SGCD: variants seen among roughly 807,000 people sequenced by gnomAD.
SGCD encodes the protein delta-sarcoglycan.
A neutral mutation model predicts 36.6 loss-of-function variants in SGCD; 18 were observed. The ratio of observed to expected loss-of-function variants is 0.49; its 90% CI spans 0.34 to 0.73. SGCD has a LOEUF of 0.73. Ranked by LOEUF, SGCD falls within the 30% of genes least tolerant of loss-of-function variation. The pLI, the probability that SGCD is intolerant of heterozygous loss-of-function variation, is 0.01. For missense variants in SGCD, 387 were observed against 346.7 expected, an observed-to-expected ratio of 1.12 and a Z score of -0.92; for synonymous variants, 133 against 130.6, an observed-to-expected ratio of 1.02 and a Z score of -0.12.
In SGCD at chr5:156,010,807, G is replaced by A. The variant is rs188027214; in HGVS notation, c.-281-107071G>A. Among the ~76,000 whole-genome samples, 64 of 152,298 alleles carry A rather than the reference G, an allele frequency of 4.2e-4. 1 individual carries two copies. Among genetic ancestry groups the A allele is most frequent in the African/African-American group, 1.5e-3 (61 of 41,572 alleles). ...CTAGCTGCCATGTAGAAGGTTAGAA[G>A]CAGAGCCAGGACTTGAATCCAGATC... On this transcript the variant is annotated intron_variant, in intron 1 of 9. Coordinates refer to the SGCD transcript ENST00000517913.
At chr5:156,564,428 C>T (rs1231545566) in intron 4 of SGCD, among the ~76,000 whole-genome samples, 13 of 152,038 alleles carry the variant, frequency 8.6e-5, no homozygotes, top group Admixed American at 4.6e-4. Flanking sequence ...CCAGCCTGGG[C>T]GACAGAGCAA....
chr5:156,111,068 C>A (rs1761772578), intron 1 of SGCD, among the ~76,000 whole-genome samples: 2 of 152,122 alleles, frequency 1.3e-5, no homozygotes, highest in Non-Finnish European at 2.9e-5. Flanking sequence ...TCTAAAACAT[C>A]CATGGGCAGA....
intron 3 of SGCD, among the ~76,000 whole-genome samples, chr5:156,182,860 T>C (rs1483121478): frequency 3.9e-5 from 6 of 152,204 alleles, no homozygotes; most frequent in Admixed American, 3.3e-4. Flanking sequence ...GCAAGAACAC[T>C]TGTACATTTT....
the SGCD span, among the ~76,000 whole-genome samples, chr5:155,809,581 A>G: frequency 1.3e-5 from 2 of 152,208 alleles, no homozygotes; most frequent in East Asian, 1.9e-4. Flanking sequence ...ACAGAGAGAA[A>G]GAAAGAAAGG....
chr5:156,303,891 A>T (rs1767127518), intron 3 of SGCD, among the ~76,000 whole-genome samples: 1 of 151,668 alleles, frequency 6.6e-6, no homozygotes, highest in Non-Finnish European at 1.5e-5. Flanking sequence ...AGAAGGAAGG[A>T]GTCTCTTCTA....
chr5:155,747,614 G>T, the SGCD span, among the ~76,000 whole-genome samples: 2 of 152,140 alleles, frequency 1.3e-5, no homozygotes, highest in Non-Finnish European at 2.9e-5. Context: ...CTACAAAGTG[G>T]TAGAGCTAGG....
chr5:155,741,319 C>T, the SGCD span, among the ~76,000 whole-genome samples: 1 of 152,176 alleles, frequency 6.6e-6, no homozygotes, highest in Non-Finnish European at 1.5e-5. Flanking sequence ...TAAATCTCTC[C>T]TGGATCAGGA....
At chr5:156,468,767 G>A (rs1247054517) in intron 3 of SGCD, among the ~76,000 whole-genome samples, 2 of 152,168 alleles carry the variant, frequency 1.3e-5, no homozygotes, top group African/African-American at 2.4e-5. Context: ...CAAGATGGGT[G>A]GATCACTTGA....
chr5:156,607,781 T>C (rs1336935984), intron 6 of SGCD, among the ~76,000 whole-genome samples: 3 of 152,316 alleles, frequency 2.0e-5, no homozygotes, highest in Admixed American at 6.5e-5. Context: ...TGGGAGGGTG[T>C]ATGTGTCCAG....
chr5:156,751,845 A>G (rs1242674320), intron 7 of SGCD, among the ~76,000 whole-genome samples: 1 of 152,250 alleles, frequency 6.6e-6, no homozygotes, highest in Admixed American at 6.5e-5. Context: ...AGTTGGAGCA[A>G]TCACTTTGGA....
chr5:155,809,538 C>A, the SGCD span, among the ~76,000 whole-genome samples: 4 of 151,990 alleles, frequency 2.6e-5, no homozygotes, highest in Admixed American at 2.6e-4. Context: ...TTTCTAATAC[C>A]TGAATGTGTG....
At chr5:156,230,765 A>G (rs1426703756) in intron 3 of SGCD, among the ~76,000 whole-genome samples, 1 of 152,042 alleles carries the variant, frequency 6.6e-6, no homozygotes, top group Non-Finnish European at 1.5e-5. Flanking sequence ...ATCCACCACT[A>G]TATCTCAGCA....
chr5:156,305,865 C>G (rs991884527), intron 3 of SGCD, among the ~76,000 whole-genome samples: 2 of 151,522 alleles, frequency 1.3e-5, no homozygotes, highest in African/African-American at 4.9e-5. Flanking sequence ...TATTTTGGAG[C>G]TTCAAAATTT....
chr5:155,957,858 A>G (rs113563810), intron 1 of SGCD, among the ~76,000 whole-genome samples: 63 of 152,258 alleles, frequency 4.1e-4, no homozygotes, highest in African/African-American at 1.5e-3. Flanking sequence ...TGGGAGGCGA[A>G]TATTCTGCCT....
chr5:155,767,464 A>G, the SGCD span, among the ~76,000 whole-genome samples: 1 of 152,166 alleles, frequency 6.6e-6, no homozygotes, highest in Non-Finnish European at 1.5e-5. Context: ...CTGCTTACCG[A>G]TAATATGCTT....
chr5:156,692,072 A>G (rs143790091), intron 7 of SGCD, among the ~76,000 whole-genome samples: 182 of 152,348 alleles, frequency 1.2e-3, no homozygotes, highest in African/African-American at 4.1e-3. Context: ...TAAAAATCAA[A>G]TTAGAAGTTC....
intron 3 of SGCD, among the ~76,000 whole-genome samples, chr5:156,345,909 C>T (rs972834077): frequency 1.3e-5 from 2 of 151,934 alleles, no homozygotes; most frequent in Non-Finnish European, 2.9e-5. Flanking sequence ...TTTTCTTCTG[C>T]TTGGAGTGCT....
intron 1 of SGCD, among the ~76,000 whole-genome samples, chr5:156,058,917 C>T (rs1760131864): frequency 6.9e-6 from 1 of 145,386 alleles, no homozygotes; most frequent in Non-Finnish European, 1.5e-5. Flanking sequence ...TCTTTCTGTA[C>T]TGGTCTATCT....
intron 7 of SGCD, among the ~76,000 whole-genome samples, chr5:156,740,255 A>G (rs1159645505): frequency 2.0e-5 from 3 of 152,324 alleles, no homozygotes; most frequent in South Asian, 4.1e-4. Context: ...AGGCTCTTCA[A>G]TATGGCTGTT....
Sources: allele counts gnomAD v4.1 joint callset (sites outside exome capture counted in the v4.1 genomes callset), GRCh38; gene constraint gnomAD v4.1.1; transcripts MANE v1.5; gene names NCBI Gene and HGNC (gene_info 2026-07-23, HGNC 2026-07-21).